KLF8: variants seen among roughly 807,000 people sequenced by gnomAD.
The protein encoded by KLF8 is Krueppel-like factor 8.
In KLF8, 10 loss-of-function variants were observed where a neutral mutation model predicts 18.2. The ratio of observed to expected loss-of-function variants is 0.55; its 90% CI spans 0.34 to 0.93. The LOEUF is 0.93. KLF8 is among the 40% of genes least tolerant of loss of function. The probability of loss-of-function intolerance (pLI) is 0.02; values close to 1 mark genes in which losing one functional copy is unlikely to be tolerated. For synonymous variants in KLF8, 109 were observed against 97.3 expected, an observed-to-expected ratio of 1.12 and a Z score of -0.71; for missense variants, 264 against 277.9, an observed-to-expected ratio of 0.95 and a Z score of 0.36.
chrX:55,969,432 C>T, the KLF8 span, among the ~76,000 whole-genome samples: 1 of 111,226 alleles, frequency 9.0e-6, no homozygotes, highest in Non-Finnish European at 1.9e-5. Flanking sequence ...CATATCTAAA[C>T]CTACAGGATG....
At chrX:55,961,785 C>T in the KLF8 span, 1 of 304,802 alleles carries the variant, frequency 3.3e-6, no homozygotes, top group Admixed American at 4.4e-5. Flanking sequence ...GTATGGAGGA[C>T]ATTTCAAAAA....
chrX:56,051,382 G>C, the KLF8 span, among the ~76,000 whole-genome samples: 3 of 110,525 alleles, frequency 2.7e-5, no homozygotes, highest in East Asian at 2.8e-4. Flanking sequence ...TTTACATTTT[G>C]GCATGATTTT....
chrX:56,069,480 C>T, the KLF8 span, among the ~76,000 whole-genome samples: 7 of 110,209 alleles, frequency 6.4e-5, no homozygotes, highest in East Asian at 2.9e-4. Context: ...GAAACTCAGC[C>T]GATGGGCACA....
At chrX:55,965,370 G>T in the KLF8 span, among the ~76,000 whole-genome samples, 1 of 111,902 alleles carries the variant, frequency 8.9e-6, no homozygotes, top group Non-Finnish European at 1.9e-5. Flanking sequence ...GACTAGGCAT[G>T]GAAGAAACAT....
chrX:55,941,844 G>A, the KLF8 span, among the ~76,000 whole-genome samples: 5 of 111,576 alleles, frequency 4.5e-5, no homozygotes, highest in East Asian at 5.6e-4. Context: ...TTAGAATGAC[G>A]ATCATTAAAA....
chrX:56,085,861 G>A, the KLF8 span, among the ~76,000 whole-genome samples: 1 of 112,159 alleles, frequency 8.9e-6, no homozygotes, highest in Non-Finnish European at 1.9e-5. Context: ...GCCATGGCAA[G>A]ATGGCAGCTT....
intron 5 of KLF8, among the ~76,000 whole-genome samples, chrX:56,282,810 A>G (rs924489420): frequency 2.7e-5 from 3 of 111,994 alleles, no homozygotes; most frequent in African/African-American, 9.7e-5. Context: ...AAGAAAGCAA[A>G]CATTACCCTA....
the KLF8 span, among the ~76,000 whole-genome samples, chrX:56,059,452 C>G: frequency 8.9e-6 from 1 of 111,867 alleles, no homozygotes; most frequent in Admixed American, 9.5e-5. Context: ...AATGATATTG[C>G]CTAGGTTTTC....
the KLF8 span, among the ~76,000 whole-genome samples, chrX:56,135,328 T>G: frequency 5.4e-5 from 6 of 111,273 alleles, no homozygotes. Context: ...TAGACTGGAT[T>G]AAGAAAATGT....
the KLF8 span, among the ~76,000 whole-genome samples, chrX:55,999,303 G>GTTTTTT: frequency 1.1e-4 from 3 of 27,204 alleles, no homozygotes; most frequent in African/African-American, 1.6e-4. Flanking sequence ...TTTTTGCTTC[G>GTTTTTT]TTTTGTTTTG....
At chrX:56,193,620 G>A in the KLF8 span, among the ~76,000 whole-genome samples, 2 of 112,145 alleles carry the variant, frequency 1.8e-5, no homozygotes, top group Non-Finnish European at 3.8e-5. Context: ...ATACACAATT[G>A]AGTATTATTT....
the KLF8 span, among the ~76,000 whole-genome samples, chrX:55,994,328 TCTAA>T: frequency 2.0e-4 from 22 of 110,976 alleles, no homozygotes; most frequent in African/African-American, 6.6e-4. Context: ...TCTTTATCAG[TCTAA>T]CTAGTGGTCT....
At chrX:56,137,068 C>A in the KLF8 span, among the ~76,000 whole-genome samples, 3 of 110,671 alleles carry the variant, frequency 2.7e-5, no homozygotes, top group African/African-American at 9.8e-5. Context: ...CCATCTCACA[C>A]CAGTTAGAAT....
At chrX:56,046,634 T>C in the KLF8 span, among the ~76,000 whole-genome samples, 1 of 110,656 alleles carries the variant, frequency 9.0e-6, no homozygotes, top group African/African-American at 3.3e-5. Context: ...CTTTCTTTCA[T>C]CTATGAAGCT....
At chrX:55,966,247 C>T in the KLF8 span, among the ~76,000 whole-genome samples, 1,032 of 112,301 alleles carry the variant, frequency 9.2e-3, 6 homozygotes, top group Non-Finnish European at 0.011. Context: ...ATTGTGGAGC[C>T]CTAGGGCATT....
the KLF8 span, among the ~76,000 whole-genome samples, chrX:56,076,867 T>C: frequency 2.7e-5 from 3 of 112,389 alleles, no homozygotes; most frequent in Non-Finnish European, 5.6e-5. Flanking sequence ...ACTGTGGTTT[T>C]GATTTGCATT....
the KLF8 span, among the ~76,000 whole-genome samples, chrX:56,189,738 G>A: frequency 9.2e-6 from 1 of 108,413 alleles, no homozygotes; most frequent in Admixed American, 9.9e-5. Flanking sequence ...GATGAAATTG[G>A]AAATCATCGT....
chrX:56,144,548 C>A, the KLF8 span, among the ~76,000 whole-genome samples: 231 of 108,238 alleles, frequency 2.1e-3, no homozygotes, highest in African/African-American at 7.6e-3. Flanking sequence ...AGGAGTTCAA[C>A]ACCAGCCTGG....
chrX:56,187,773 C>A, the KLF8 span, among the ~76,000 whole-genome samples: 1 of 110,622 alleles, frequency 9.0e-6, no homozygotes. Context: ...AGAAAAAAAC[C>A]ACATGATTAT....
Sources: gnomAD v4.1 joint callset for allele counts (sites outside exome capture counted in the v4.1 genomes callset) on GRCh38, gnomAD v4.1.1 for gene constraint, MANE v1.5 for transcripts, NCBI Gene and HGNC (gene_info 2026-07-23, HGNC 2026-07-21) for gene names.